LRBA: variants seen among roughly 807,000 people sequenced by gnomAD.
The protein encoded by LRBA is lipopolysaccharide-responsive and beige-like anchor protein.
In LRBA, 176 loss-of-function variants were observed where a neutral mutation model predicts 330.0. That is an observed-to-expected ratio of 0.53 (90% confidence interval 0.47 to 0.60). The LOEUF (loss-of-function observed/expected upper bound fraction) is 0.60, where lower values mean the gene tolerates loss of function less well. Among genes scored for constraint, LRBA ranks in the 20% least tolerant of loss-of-function variants. LRBA has a pLI of 0.00. For missense variants in LRBA, 3,259 were observed against 3,444.8 expected, an observed-to-expected ratio of 0.95 and a Z score of 1.35; for synonymous variants, 1,230 against 1,193.0, an observed-to-expected ratio of 1.03 and a Z score of -0.64.
chr4:150,503,933 T>G (rs949559393), intron 40 of LRBA, among the ~76,000 whole-genome samples: 1 of 152,090 alleles, frequency 6.6e-6, no homozygotes, highest in Non-Finnish European at 1.5e-5. Flanking sequence ...GCACGAGAAC[T>G]AGGTGATGAA....
At chr4:150,929,204 CA>C in intron 2 of LRBA, 139 bp from the exon 3 acceptor site, 1 of 560,340 alleles carries the variant, frequency 1.8e-6, no homozygotes, top group Non-Finnish European at 3.1e-6. Context: ...ACATGCAGCT[CA>C]AAAAACTGAA....
intron 40 of LRBA, among the ~76,000 whole-genome samples, chr4:150,529,782 G>A (rs1763868144): frequency 6.6e-6 from 1 of 151,148 alleles, no homozygotes; most frequent in Middle Eastern, 3.2e-3. Flanking sequence ...GTAACAATCA[G>A]TACACTCTTT....
At chr4:150,538,124 G>A (rs551239667) in intron 40 of LRBA, among the ~76,000 whole-genome samples, 87 of 152,174 alleles carry the variant, frequency 5.7e-4, no homozygotes, top group African/African-American at 2.0e-3. Context: ...TTATTAAAAA[G>A]GCAAACAAAT....
chr4:150,884,116 G>T (rs1253383851), intron 17 of LRBA, among the ~76,000 whole-genome samples: 1 of 152,114 alleles, frequency 6.6e-6, no homozygotes, highest in Non-Finnish European at 1.5e-5. Flanking sequence ...TTTACCATTT[G>T]GGGGCTGGCA....
intron 2 of LRBA, among the ~76,000 whole-genome samples, chr4:151,011,074 C>G (rs1276033094): frequency 6.6e-6 from 1 of 151,598 alleles, no homozygotes; most frequent in Non-Finnish European, 1.5e-5. Flanking sequence ...GTAGTCCCAG[C>G]TACTTGGGAG....
intron 40 of LRBA, among the ~76,000 whole-genome samples, chr4:150,532,318 T>C (rs1435151085): frequency 2.0e-5 from 3 of 152,186 alleles, no homozygotes; most frequent in African/African-American, 7.2e-5. Context: ...TTAAAATATA[T>C]TCCAAAAGTG....
intron 37 of LRBA, among the ~76,000 whole-genome samples, chr4:150,646,383 C>T (rs750248330): frequency 6.6e-6 from 1 of 151,934 alleles, no homozygotes; most frequent in Non-Finnish European, 1.5e-5. Context: ...AATAAATCTA[C>T]CAAACAGAAG....
intron 34 of LRBA, among the ~76,000 whole-genome samples, chr4:150,792,501 CG>C (rs1740096109): frequency 1.3e-5 from 2 of 151,958 alleles, no homozygotes; most frequent in Non-Finnish European, 2.9e-5. Flanking sequence ...ATAAAGTTGA[CG>C]TTTTTTATTT....
chr4:150,613,717 A>G (rs1775487751), intron 37 of LRBA, among the ~76,000 whole-genome samples: 2 of 152,224 alleles, frequency 1.3e-5, no homozygotes, highest in South Asian at 4.1e-4. Flanking sequence ...TGTACAGCGA[A>G]TGCTTTGCAT....
intron 11 of LRBA, among the ~76,000 whole-genome samples, chr4:150,907,945 AAAGTT>A (rs1418110381): frequency 3.3e-5 from 5 of 152,156 alleles, no homozygotes; most frequent in East Asian, 1.9e-4. Flanking sequence ...TAAAATATGA[AAAGTT>A]AAGTTCCATA....
chr4:150,337,098 A>G (rs952904444), intron 48 of LRBA, among the ~76,000 whole-genome samples: 3 of 152,218 alleles, frequency 2.0e-5, no homozygotes, highest in Non-Finnish European at 4.4e-5. Flanking sequence ...ACTCAACAAT[A>G]TCCAGAGAGT....
chr4:150,652,606 CTAA>C (rs1779806920), intron 37 of LRBA, among the ~76,000 whole-genome samples: 3 of 152,104 alleles, frequency 2.0e-5, no homozygotes. Flanking sequence ...AAAATTAATT[CTAA>C]TAATATATTT....
intron 44 of LRBA, among the ~76,000 whole-genome samples, chr4:150,450,169 G>C (rs1209063946): frequency 6.6e-6 from 1 of 152,108 alleles, no homozygotes; most frequent in African/African-American, 2.4e-5. Context: ...TTCAGAACAT[G>C]AAATATTACT....
chr4:150,430,304 C>A (rs7667511), intron 46 of LRBA, among the ~76,000 whole-genome samples: 1 of 152,070 alleles, frequency 6.6e-6, no homozygotes, highest in South Asian at 2.1e-4. Context: ...CCAATCACAG[C>A]GGTCTCTTAA....
At chr4:150,607,109 C>A (rs951449308) in intron 37 of LRBA, among the ~76,000 whole-genome samples, 6 of 152,096 alleles carry the variant, frequency 3.9e-5, no homozygotes, top group African/African-American at 1.4e-4. Flanking sequence ...AGCTAGACAG[C>A]CTTAGGATGG....
intron 2 of LRBA, among the ~76,000 whole-genome samples, chr4:150,980,498 T>G (rs1450210501): frequency 6.6e-6 from 1 of 151,914 alleles, no homozygotes; most frequent in Non-Finnish European, 1.5e-5. Flanking sequence ...GAGAAAGAAA[T>G]AAAGAGTGGT....
Position 150,446,898 on chromosome 4 carries a change from A to G in LRBA, c.6781-10034T>C, listed in dbSNP as rs575102870. Among the ~76,000 whole-genome samples, 179 of 152,272 alleles carry G rather than the reference A, an allele frequency of 1.2e-3. 1 individual carries two copies. Among genetic ancestry groups the G allele is most frequent in the Admixed American group, 2.2e-3 (34 of 15,292 alleles). On this transcript the variant is annotated intron_variant, in intron 44 of 56. Coordinates refer to ENST00000651943, the MANE Select transcript of LRBA (RefSeq NM_001364905.1). ...TTACCCTTTTTAAAATGAAAATTTT[A>G]TTGTACTTTTCCCTCTACAACTATA...
intron 2 of LRBA, among the ~76,000 whole-genome samples, chr4:150,986,968 T>C (rs972502756): frequency 2.6e-5 from 4 of 152,174 alleles, no homozygotes; most frequent in Non-Finnish European, 5.9e-5. Flanking sequence ...CGACCAACAA[T>C]ATACCCTCTG....
chr4:150,273,569 T>C (rs536783995), intron 56 of LRBA, among the ~76,000 whole-genome samples: 3 of 151,050 alleles, frequency 2.0e-5, no homozygotes, highest in Non-Finnish European at 4.4e-5. Context: ...AGGAGACCCA[T>C]CTCACATGCA....
Sources: gnomAD v4.1 joint callset for allele counts (sites outside exome capture counted in the v4.1 genomes callset) on GRCh38, gnomAD v4.1.1 for gene constraint, MANE v1.5 for transcripts, NCBI Gene and HGNC (gene_info 2026-07-23, HGNC 2026-07-21) for gene names.